The following GRID1 variants were observed in gnomAD, a reference collection of about 807,000 sequenced individuals.
The protein encoded by GRID1 is glutamate ionotropic receptor delta type subunit 1, also known as glutamate receptor ionotropic, delta-1.
In GRID1, 28 loss-of-function variants were observed where a neutral mutation model predicts 98.0. The observed-to-expected ratio is 0.29, with a 90% CI of 0.21 to 0.39. GRID1 has a LOEUF of 0.39. GRID1 is among the 10% of genes least tolerant of loss of function. The pLI is 1.00. For missense variants in GRID1, 1,111 were observed against 1,340.5 expected, an observed-to-expected ratio of 0.83 and a Z score of 2.67; for synonymous variants, 553 against 538.5, an observed-to-expected ratio of 1.03 and a Z score of -0.37.
intron 2 of GRID1, among the ~76,000 whole-genome samples, chr10:86,286,759 C>A (rs907174667): frequency 7.2e-5 from 11 of 152,230 alleles, no homozygotes; most frequent in Non-Finnish European, 1.3e-4. Context: ...GGTACCTACC[C>A]CAGGGGCAGA....
intron 8 of GRID1, among the ~76,000 whole-genome samples, chr10:85,762,384 A>G (rs893063884): frequency 1.4e-4 from 22 of 152,236 alleles, no homozygotes; most frequent in African/African-American, 3.4e-4. Context: ...AAGATCCCCA[A>G]TGAACATTTT....
chr10:85,945,378 C>T (rs1345797403), intron 4 of GRID1, among the ~76,000 whole-genome samples: 4 of 151,778 alleles, frequency 2.6e-5, no homozygotes, highest in African/African-American at 9.7e-5. Context: ...TTGGTTTAAC[C>T]CTTTGTAATA....
At chr10:86,108,228 C>A (rs367752567) in intron 4 of GRID1, among the ~76,000 whole-genome samples, 49 of 152,304 alleles carry the variant, frequency 3.2e-4, no homozygotes, top group African/African-American at 1.0e-3. Context: ...GAGCCACACC[C>A]CCATCGCACA....
At chr10:86,094,263 A>T (rs1405953135) in intron 4 of GRID1, among the ~76,000 whole-genome samples, 1 of 152,232 alleles carries the variant, frequency 6.6e-6, no homozygotes, top group Non-Finnish European at 1.5e-5. Context: ...AAAAGTTGAA[A>T]GCATTCCCTC....
At chr10:85,998,509 C>T (rs1842766521) in intron 4 of GRID1, among the ~76,000 whole-genome samples, 1 of 151,580 alleles carries the variant, frequency 6.6e-6, no homozygotes, top group Admixed American at 6.6e-5. Flanking sequence ...AAATGCATAG[C>T]AATAAAATAC....
intron 12 of GRID1, among the ~76,000 whole-genome samples, chr10:85,685,535 A>T (rs1841258963): frequency 6.6e-6 from 1 of 152,168 alleles, no homozygotes; most frequent in Non-Finnish European, 1.5e-5. Context: ...AATTTTTGGT[A>T]AAACTTAAAA....
intron 5 of GRID1, among the ~76,000 whole-genome samples, chr10:85,877,631 C>T (rs1203040633): frequency 6.6e-6 from 1 of 151,928 alleles, no homozygotes; most frequent in South Asian, 2.1e-4. Flanking sequence ...ACGTCACCAT[C>T]ATCAAAGACC....
intron 4 of GRID1, among the ~76,000 whole-genome samples, chr10:86,006,455 C>A (rs1449421277): frequency 6.6e-6 from 1 of 152,136 alleles, no homozygotes; most frequent in Non-Finnish European, 1.5e-5. Flanking sequence ...CCCGTCTCTA[C>A]TAAAAGTACA....
intron 15 of GRID1, among the ~76,000 whole-genome samples, chr10:85,610,260 T>C (rs1842717741): frequency 6.6e-6 from 1 of 152,216 alleles, no homozygotes; most frequent in East Asian, 1.9e-4. Context: ...AATATGCTTC[T>C]AAAAGACTGT....
In GRID1 at chr10:86,366,438, G is replaced by T. The variant is rs1254289264; in HGVS notation, c.-46C>A. 3 of 1,378,336 alleles carry T rather than the reference G, an allele frequency of 2.2e-6. No homozygotes were observed. Among genetic ancestry groups the T allele is most frequent in the Non-Finnish European group, 2.9e-6 (3 of 1,030,730 alleles). The allele number at this position is 1,378,336 out of a possible 1,614,324, so 85.4% of individuals were successfully genotyped here. On this transcript the variant is annotated 5_prime_UTR_variant, in exon 1 of 16. Transcript: ENST00000327946. This position sits in a 1 kb window ranked among gnomAD's most constrained non-coding sequence, Gnocchi z 4.1. ...ATCCACCCGGGCCCGGGGCGAGGCC[G>T]AGGGCAGCGCGAAGCGGGGAGGCGC...
intron 3 of GRID1, among the ~76,000 whole-genome samples, chr10:86,177,505 TGA>T (rs1376393362): frequency 1.3e-5 from 2 of 151,758 alleles, no homozygotes; most frequent in South Asian, 2.1e-4. Flanking sequence ...CATGTGTGCA[TGA>T]GAGAGACAGA....
chr10:85,607,807 CT>C (rs749667195), intron 15 of GRID1, among the ~76,000 whole-genome samples: 2,141 of 137,546 alleles, frequency 0.016, 11 homozygotes, highest in African/African-American at 0.022. Flanking sequence ...TTTCCTTTTC[CT>C]TTTTTTTTTT....
At chr10:86,132,668 T>C (rs1191537435) in intron 4 of GRID1, among the ~76,000 whole-genome samples, 1 of 152,220 alleles carries the variant, frequency 6.6e-6, no homozygotes, top group African/African-American at 2.4e-5. Flanking sequence ...TTTGCATATA[T>C]CATGTGGGAC....
chr10:86,085,369 G>T (rs187003053), intron 4 of GRID1, among the ~76,000 whole-genome samples: 2 of 152,280 alleles, frequency 1.3e-5, no homozygotes, highest in East Asian at 1.9e-4. Flanking sequence ...GGCACCCAAG[G>T]GCAAGAAGTT....
chr10:85,666,758 G>C (rs140890958), intron 12 of GRID1, among the ~76,000 whole-genome samples: 8 of 152,076 alleles, frequency 5.3e-5, no homozygotes, highest in African/African-American at 1.9e-4. Flanking sequence ...ACATCTATGG[G>C]CATCTAACAC....
intron 4 of GRID1, among the ~76,000 whole-genome samples, chr10:86,079,952 C>A (rs147116709): frequency 0.012 from 1,864 of 152,212 alleles, 25 homozygotes; most frequent in Middle Eastern, 0.027. Context: ...TCTGAAAGGA[C>A]CATTCGGTAG....
intron 4 of GRID1, among the ~76,000 whole-genome samples, chr10:85,945,514 G>T (rs532192150): frequency 9.5e-4 from 144 of 152,274 alleles, no homozygotes; most frequent in African/African-American, 3.2e-3. Context: ...GTTCTTTGGG[G>T]TATTGCTTCC....
intron 8 of GRID1, among the ~76,000 whole-genome samples, chr10:85,835,508 G>A (rs145689617): frequency 1.5e-4 from 23 of 152,228 alleles, no homozygotes; most frequent in South Asian, 4.1e-4. Context: ...CTTGCTGACC[G>A]CCAGGTAAGA....
intron 4 of GRID1, among the ~76,000 whole-genome samples, chr10:86,066,172 C>T (rs1353005216): frequency 6.6e-6 from 1 of 152,180 alleles, no homozygotes; most frequent in African/African-American, 2.4e-5. Flanking sequence ...ATGTAAGACT[C>T]GATTCGGAAG....
Sources: allele counts gnomAD v4.1 joint callset (sites outside exome capture counted in the v4.1 genomes callset), GRCh38; gene constraint gnomAD v4.1.1; non-coding constraint Gnocchi (gnomAD v3.1); transcripts MANE v1.5; gene names NCBI Gene and HGNC (gene_info 2026-07-23, HGNC 2026-07-21).